The following CWF19L2 variants were observed in gnomAD, a reference collection of about 807,000 sequenced individuals.
The protein encoded by CWF19L2 is CWF19-like protein 2.
A neutral mutation model predicts 111.7 loss-of-function variants in CWF19L2; 98 were observed. The ratio of observed to expected loss-of-function variants is 0.88; its 90% CI spans 0.75 to 1.04. CWF19L2 has a LOEUF of 1.04. Ranked by LOEUF, CWF19L2 falls within the 50% of genes least tolerant of loss-of-function variation. CWF19L2 has a pLI of 0.00. For synonymous variants in CWF19L2, 351 were observed against 342.9 expected, an observed-to-expected ratio of 1.02 and a Z score of -0.26; for missense variants, 1,101 against 1,051.4, an observed-to-expected ratio of 1.05 and a Z score of -0.65.
intron 3 of CWF19L2, among the ~76,000 whole-genome samples, chr11:107,450,216 C>T (rs1285898556): frequency 6.6e-6 from 1 of 151,892 alleles, no homozygotes; most frequent in Non-Finnish European, 1.5e-5. Flanking sequence ...CCAGGCTGGG[C>T]AACATGGCAA....
intron 12 of CWF19L2, among the ~76,000 whole-genome samples, chr11:107,360,738 C>T (rs12278176): frequency 1.3e-5 from 2 of 152,136 alleles, no homozygotes; most frequent in African/African-American, 2.4e-5. Flanking sequence ...AGATGATTAG[C>T]GATGTTGAAC....
At position 107,367,988 on chromosome 11, in the gene CWF19L2, C is replaced by T. The variant is rs1860456418; in HGVS notation, c.1873-14252G>A. ...AGAATTTTATAGCATTAAATGCCTA[C>T]ATCAACAAAGTAGAAAAATAACAAA... On this transcript the variant is annotated intron_variant, in intron 12 of 17. Coordinates refer to ENST00000282251, the MANE Select transcript of CWF19L2 (RefSeq NM_152434.3). Among the ~76,000 whole-genome samples the T allele has an allele frequency of 2.2e-5, 3 of 136,210 alleles. 1 individual carries two copies. The highest frequency in any genetic ancestry group is 4.7e-5 in the Non-Finnish European group (3 of 63,850). The allele number at this position is 136,210 out of a possible 152,430, so 89.4% of individuals were successfully genotyped here.
At chr11:107,425,747 C>T (rs1248666692) in intron 8 of CWF19L2, among the ~76,000 whole-genome samples, 1 of 151,880 alleles carries the variant, frequency 6.6e-6, no homozygotes, top group Non-Finnish European at 1.5e-5. Flanking sequence ...TTTGCTTGCC[C>T]TTCTGGGCTA....
chr11:107,439,933 T>C (rs1323188835), intron 5 of CWF19L2, among the ~76,000 whole-genome samples: 1 of 152,048 alleles, frequency 6.6e-6, no homozygotes, highest in Non-Finnish European at 1.5e-5. Flanking sequence ...GAGAACAAGA[T>C]CAGAGGCACA....
Position 107,455,744 on chromosome 11 carries a change from ACG to A in CWF19L2, c.136_137del (p.Arg46Ter), listed in dbSNP as rs1861844953. The A allele has an allele frequency of 6.4e-7, 1 of 1,551,002 alleles. No individual in the cohort carries two copies. Among genetic ancestry groups the A allele is most frequent in the Non-Finnish European group, 8.7e-7 (1 of 1,146,712 alleles). On this transcript the variant is annotated frameshift_variant, in exon 2 of 18. Coordinates refer to ENST00000282251, the MANE Select transcript of CWF19L2 (RefSeq NM_152434.3). LOFTEE classifies it high-confidence loss of function. ...AKANFEKEER[R>X]KELKRLRGED... The stretch of plus-strand genomic sequence containing the variant: ...CACCCCGAAGTCGCTTAAGTTCTTT[ACG>A]CCTTTCTTCTTTTTCAAAATTGGCT...
intron 15 of CWF19L2, among the ~76,000 whole-genome samples, 190 bp from the exon 16 acceptor site, chr11:107,335,151 C>T (rs1222849164): frequency 6.6e-6 from 1 of 152,014 alleles, no homozygotes; most frequent in Non-Finnish European, 1.5e-5. Flanking sequence ...TACCATTAGC[C>T]AAAGATAATA....
At chr11:107,423,942 T>C (rs985051484) in intron 8 of CWF19L2, among the ~76,000 whole-genome samples, 10 of 151,198 alleles carry the variant, frequency 6.6e-5, no homozygotes, top group African/African-American at 1.7e-4. Context: ...AAAAAAAGTA[T>C]AAATACCTAA....
intron 6 of CWF19L2, among the ~76,000 whole-genome samples, 193 bp downstream of exon 6, chr11:107,438,897 G>A (rs1861577981): frequency 6.6e-6 from 1 of 152,044 alleles, no homozygotes. Flanking sequence ...AAAATTATCT[G>A]GGAGTGGTGA....
intron 8 of CWF19L2, among the ~76,000 whole-genome samples, chr11:107,422,070 G>A (rs1861309759): frequency 6.6e-6 from 1 of 151,984 alleles, no homozygotes; most frequent in South Asian, 2.1e-4. Flanking sequence ...CATAAATGAA[G>A]CTCACAATAA....
At chr11:107,416,323 T>C in intron 9 of CWF19L2, 25 bp from the exon 10 acceptor site, 1 of 999,788 alleles carries the variant, frequency 1.0e-6, no homozygotes, top group Non-Finnish European at 1.4e-6. Flanking sequence ...ACAAGTAAAA[T>C]ATGTGCGATA....
chr11:107,416,105 A>G, intron 10 of CWF19L2, 104 bp downstream of exon 10: 1 of 281,776 alleles, frequency 3.5e-6, no homozygotes, highest in Non-Finnish European at 6.3e-6. Flanking sequence ...TCAAAAAAAT[A>G]GATAAAATAA....
intron 8 of CWF19L2, among the ~76,000 whole-genome samples, chr11:107,421,169 G>A (rs1402632963): frequency 1.3e-5 from 2 of 152,002 alleles, no homozygotes; most frequent in African/African-American, 4.8e-5. Context: ...ATAATACTTG[G>A]AAACTAAATA....
chr11:107,391,204 A>T (rs1860841799), intron 11 of CWF19L2, among the ~76,000 whole-genome samples: 1 of 152,130 alleles, frequency 6.6e-6, no homozygotes, highest in Admixed American at 6.6e-5. Context: ...TGTGTGAGCC[A>T]ACACTCCTTA....
intron 17 of CWF19L2, among the ~76,000 whole-genome samples, chr11:107,329,104 A>G (rs1043305965): frequency 2.6e-5 from 4 of 152,154 alleles, no homozygotes; most frequent in African/African-American, 9.6e-5. Flanking sequence ...TCTTTTTCAG[A>G]GGGCCTGGCT....
chr11:107,422,850 T>C (rs1028123990), intron 8 of CWF19L2, among the ~76,000 whole-genome samples: 3 of 151,932 alleles, frequency 2.0e-5, no homozygotes, highest in African/African-American at 7.2e-5. Flanking sequence ...CAGATAGCAT[T>C]GGAATAAAAA....
chr11:107,346,049 T>G (rs1860075161), intron 14 of CWF19L2, among the ~76,000 whole-genome samples: 1 of 152,158 alleles, frequency 6.6e-6, no homozygotes, highest in Non-Finnish European at 1.5e-5. Flanking sequence ...AGACTACAAT[T>G]TCTTATAATC....
At position 107,326,432 on chromosome 11, in the gene CWF19L2, T is replaced by C. The variant is rs1419018838; in HGVS notation, c.*478A>G. ...CCTTTAACAAAAAGAATAGAAGTGA[T>C]ACTATATACTGCTAGTAGAAAATTA... On this transcript the variant is annotated 3_prime_UTR_variant, in exon 18 of 18. Transcript: ENST00000282251. 2.0e-5 allele frequency: 3 copies of C among 152,366 alleles called. No homozygotes were observed. The highest frequency in any genetic ancestry group is 7.2e-5 in the African/African-American group (3 of 41,470). 9.4% of individuals were successfully genotyped at this position (152,366 alleles called of 1,614,324 possible). A position where few individuals can be genotyped will look rare whatever the true frequency, so the allele number is the denominator to read the frequency against.
chr11:107,449,902 T>G (rs1163208998), intron 3 of CWF19L2, among the ~76,000 whole-genome samples: 1 of 152,084 alleles, frequency 6.6e-6, no homozygotes, highest in Non-Finnish European at 1.5e-5. Context: ...TTCAAAGAAT[T>G]TTTCTATATA....
At chr11:107,455,404 T>A (rs1439767637) in intron 2 of CWF19L2, among the ~76,000 whole-genome samples, 1 of 152,314 alleles carries the variant, frequency 6.6e-6, no homozygotes, top group Middle Eastern at 3.4e-3. Flanking sequence ...TTTTTAGGCC[T>A]ATAAGCTTGC....
Sources: allele counts gnomAD v4.1 joint callset (sites outside exome capture counted in the v4.1 genomes callset), GRCh38; gene constraint gnomAD v4.1.1; transcripts MANE v1.5; gene names NCBI Gene and HGNC (gene_info 2026-07-23, HGNC 2026-07-21).